MNAT1: variants seen among roughly 807,000 people sequenced by gnomAD.
MNAT1 encodes CDK-activating kinase assembly factor MAT1.
Under a neutral mutation model 42.0 loss-of-function variants are expected in MNAT1, and 43 were observed. The observed-to-expected ratio is 1.02, with a 90% CI of 0.80 to 1.32. The LOEUF is 1.32. MNAT1 is among the 40% of genes most tolerant of loss of function. MNAT1 has a pLI of 0.00. For synonymous variants in MNAT1, 118 were observed against 120.0 expected (o/e 0.98, Z 0.11); for missense variants, 306 against 350.4 (o/e 0.87, Z 1.01).
intron 1 of MNAT1, among the ~76,000 whole-genome samples, chr14:60,752,325 ATTC>A (rs533074403): frequency 3.7e-4 from 56 of 152,284 alleles, no homozygotes; most frequent in Non-Finnish European, 2.4e-4. Flanking sequence ...CTATTTCTAT[ATTC>A]TTTGGGATTA....
At chr14:60,948,415 C>T (rs770016155) in intron 7 of MNAT1, among the ~76,000 whole-genome samples, 8 of 152,112 alleles carry the variant, frequency 5.3e-5, no homozygotes, top group African/African-American at 9.7e-5. Flanking sequence ...GAGCAAGACC[C>T]TGTCTCTAAA....
intron 1 of MNAT1, among the ~76,000 whole-genome samples, chr14:60,735,222 T>C (rs1896271015): frequency 1.3e-5 from 2 of 152,202 alleles, no homozygotes; most frequent in Admixed American, 1.3e-4. Flanking sequence ...CCCGACTGTA[T>C]TTCCAGGCTT....
At position 60,886,712 on chromosome 14, in the gene MNAT1, A is replaced by C. The variant is rs529523894; in HGVS notation, c.809+6877A>C. Among the ~76,000 whole-genome samples, 18 of 151,794 alleles carry C rather than the reference A, an allele frequency of 1.2e-4. No homozygotes were observed. In the East Asian group the frequency reaches 3.3e-3, roughly 28 times the overall value. On this transcript the variant is annotated intron_variant, in intron 7 of 7. Transcript: ENST00000261245. ...ATAAAGAAATATAGCTGATTTTTGC[A>C]TGTCTGTTTTCTATCTTGCTACTTT...
chr14:60,831,504 A>G (rs1249637128), intron 6 of MNAT1, among the ~76,000 whole-genome samples: 1 of 152,084 alleles, frequency 6.6e-6, no homozygotes, highest in Non-Finnish European at 1.5e-5. Flanking sequence ...AAAGGACATG[A>G]CCTCATCCTT....
chr14:60,878,199 A>T (rs1416005914), intron 6 of MNAT1, among the ~76,000 whole-genome samples: 2 of 152,138 alleles, frequency 1.3e-5, no homozygotes, highest in Non-Finnish European at 2.9e-5. Flanking sequence ...AAAGATAAAT[A>T]TAAAAAATAT....
chr14:60,821,970 T>A (rs1285668778), intron 6 of MNAT1, among the ~76,000 whole-genome samples: 2 of 152,240 alleles, frequency 1.3e-5, no homozygotes, highest in African/African-American at 4.8e-5. Flanking sequence ...AAAAATTGTT[T>A]TTATAGATAT....
chr14:60,928,373 A>G (rs2035808372), intron 7 of MNAT1, among the ~76,000 whole-genome samples: 3 of 152,216 alleles, frequency 2.0e-5, no homozygotes, highest in Non-Finnish European at 2.9e-5. Flanking sequence ...TCTTGGATAT[A>G]TACTTAGGAA....
chr14:60,776,195 G>A (rs2031242651), intron 1 of MNAT1, among the ~76,000 whole-genome samples: 2 of 152,166 alleles, frequency 1.3e-5, no homozygotes, highest in South Asian at 4.1e-4. Context: ...CTTGAGAGGG[G>A]TGATAAATAG....
At chr14:60,815,942 A>G (rs1225472076) in intron 5 of MNAT1, among the ~76,000 whole-genome samples, 2 of 152,158 alleles carry the variant, frequency 1.3e-5, no homozygotes, top group Admixed American at 6.5e-5. Flanking sequence ...TTTATGACTA[A>G]TGAATTCATT....
chr14:60,856,431 G>C lies in MNAT1; in HGVS notation c.688-23283G>C, dbSNP rs4151267. Among the ~76,000 whole-genome samples, 316 of 152,258 alleles carry C rather than the reference G, an allele frequency of 2.1e-3. 2 individuals are homozygous for C. The highest frequency in any genetic ancestry group is 7.3e-3 in the African/African-American group (304 of 41,562). On this transcript the variant is annotated intron_variant, in intron 6 of 7. Coordinates refer to ENST00000261245, the MANE Select transcript of MNAT1 (RefSeq NM_002431.4). ...GAAAGCTGCAGGAGAAAAGTCTGAA[G>C]CTAGCAGAAGTTAATTCATGGAATT... is the stretch of plus-strand genomic sequence containing the variant.
intron 6 of MNAT1, among the ~76,000 whole-genome samples, chr14:60,878,368 C>T (rs2034477764): frequency 6.6e-6 from 1 of 151,934 alleles, no homozygotes; most frequent in African/African-American, 2.4e-5. Flanking sequence ...AAATGGGTTC[C>T]TTTTACAAAT....
At chr14:60,936,379 C>G (rs1184741694) in intron 7 of MNAT1, among the ~76,000 whole-genome samples, 1 of 120,360 alleles carries the variant, frequency 8.3e-6, no homozygotes, top group South Asian at 3.6e-4. Context: ...TCCCTCCCCC[C>G]TCCCCCCACC....
chr14:60,779,912 G>A, intron 1 of MNAT1: 1 of 982,106 alleles, frequency 1.0e-6, no homozygotes, highest in Non-Finnish European at 1.6e-6. Context: ...TGGAGCCGCT[G>A]TGGTTGCTGT....
chr14:60,822,089 G>A (rs1405053105), intron 6 of MNAT1, among the ~76,000 whole-genome samples: 2 of 151,688 alleles, frequency 1.3e-5, no homozygotes, highest in African/African-American at 2.4e-5. Context: ...TTTACCTGTG[G>A]TATGTTTTGA....
At chr14:60,895,079 A>T (rs1235272970) in intron 7 of MNAT1, among the ~76,000 whole-genome samples, 4 of 152,206 alleles carry the variant, frequency 2.6e-5, no homozygotes, top group African/African-American at 9.7e-5. Context: ...ATTACATTCT[A>T]TACAGAGGAC....
intron 6 of MNAT1, among the ~76,000 whole-genome samples, chr14:60,845,922 C>T (rs895390959): frequency 9.9e-5 from 15 of 152,066 alleles, no homozygotes; most frequent in African/African-American, 3.4e-4. Context: ...TTGTCCTCTG[C>T]TTTCTAGAAG....
At chr14:60,909,555 T>C (rs1437051844) in intron 7 of MNAT1, among the ~76,000 whole-genome samples, 4 of 152,188 alleles carry the variant, frequency 2.6e-5, no homozygotes, top group Non-Finnish European at 5.9e-5. Context: ...TAGCCAGTTT[T>C]CCCAGCACCA....
chr14:60,797,173 TAGC>T (rs926994215), intron 2 of MNAT1, among the ~76,000 whole-genome samples: 1 of 152,186 alleles, frequency 6.6e-6, no homozygotes, highest in Non-Finnish European at 1.5e-5. Flanking sequence ...ACCAGTGTTT[TAGC>T]AGCATCTTTC....
At chr14:60,822,439 A>T (rs2139369976) in intron 6 of MNAT1, among the ~76,000 whole-genome samples, 1 of 152,044 alleles carries the variant, frequency 6.6e-6, no homozygotes, top group African/African-American at 2.4e-5. Context: ...TTTTAAATTT[A>T]TTTTTAGAGA....
Sources: allele counts gnomAD v4.1 joint callset (sites outside exome capture counted in the v4.1 genomes callset), GRCh38; gene constraint gnomAD v4.1.1; transcripts MANE v1.5; gene names NCBI Gene and HGNC (gene_info 2026-07-23, HGNC 2026-07-21).